Variants in ZNF571 observed in about 807,000 individuals in gnomAD.
ZNF571 encodes zinc finger protein 571.
In ZNF571, 4 loss-of-function variants were observed where a neutral mutation model predicts 7.7. The ratio of observed to expected loss-of-function variants is 0.52; its 90% CI spans 0.25 to 1.18. ZNF571 has a LOEUF of 1.18. Among genes scored for constraint, ZNF571 ranks in the 50% most tolerant of loss-of-function variants. The pLI, the probability that ZNF571 is intolerant of heterozygous loss-of-function variation, is 0.14. For missense variants in ZNF571, 704 were observed against 726.9 expected, an observed-to-expected ratio of 0.97 and a Z score of 0.36; for synonymous variants, 251 against 232.4, an observed-to-expected ratio of 1.08 and a Z score of -0.73.
intron 1 of ZNF571, among the ~76,000 whole-genome samples, chr19:37,588,933 C>A (rs2043776950): frequency 1.3e-5 from 2 of 152,058 alleles, no homozygotes; most frequent in Non-Finnish European, 2.9e-5. Context: ...GGAGTGGTGG[C>A]TCATGCCTGT....
chr19:37,575,790 G>C (rs1023838496), intron 3 of ZNF571: 4 of 152,102 alleles, frequency 2.6e-5, no homozygotes, highest in African/African-American at 9.7e-5. Context: ...TCACGGACTT[G>C]ATGCAATAAA....
In ZNF571 at chr19:37,565,056, G is replaced by A. The variant is rs61731966; in HGVS notation, c.1372C>T (p.Arg458Cys). Residue 458 changes from arginine to cysteine, a missense_variant, in exon 4 of 4, where the codon CGT (arginine) becomes TGT (cysteine). Arg to Cys is a radical substitution (Grantham distance 180, BLOSUM62 -3). Transcript: ENST00000451802. Reference protein sequence around the residue: ...ECKECGKAFIRVAYLTQHEKI... With the variant: ...ECKECGKAFICVAYLTQHEKI... ...TCATGTTGAGTAAGATATGCAACACGAATAAAGGCCTTTCCACATTCCTTA... is the reference window on the plus strand; with the variant it reads ...TCATGTTGAGTAAGATATGCAACACAAATAAAGGCCTTTCCACATTCCTTA... 299 of 1,613,438 alleles carry A rather than the reference G, an allele frequency of 1.9e-4. No homozygotes were observed. The highest frequency in any genetic ancestry group is 6.6e-4 in the Middle Eastern group (4 of 6,060).
In ZNF571 at chr19:37,564,933, C is replaced by T; in HGVS notation, c.1495G>A (p.Glu499Lys). The T allele has an allele frequency of 1.2e-6, 2 of 1,613,978 alleles. No homozygotes were observed. The highest frequency in any genetic ancestry group is 1.7e-6 in the Non-Finnish European group (2 of 1,179,932). ...LTYHQRIHTG[E>K]KPYKCKECDK... ...CATTCCTTACATTTGTAGGGCTTTT[C>T]ACCTGTATGAATTCTTTGATGATAT... The change falls in exon 4 of 4, where the codon GAA becomes AAA. Residue 499 changes from glutamate to lysine, a missense_variant. Physicochemically the swap from Glu to Lys is moderately conservative, Grantham distance 56. Coordinates refer to ENST00000451802, the MANE Select transcript of ZNF571 (RefSeq NM_016536.5).
intron 3 of ZNF571, among the ~76,000 whole-genome samples, chr19:37,574,651 C>T (rs1284803274): frequency 6.6e-6 from 1 of 152,186 alleles, no homozygotes; most frequent in African/African-American, 2.4e-5. Context: ...CATACCTAAA[C>T]TTTTCAACAA....
chr19:37,571,779 T>G (rs1391588320), intron 3 of ZNF571, among the ~76,000 whole-genome samples: 1 of 152,172 alleles, frequency 6.6e-6, no homozygotes, highest in African/African-American at 2.4e-5. Context: ...AACAGAAACA[T>G]GATAAGTATG....
At chr19:37,577,082 T>G (rs2043267402) in intron 3 of ZNF571, among the ~76,000 whole-genome samples, 1 of 152,128 alleles carries the variant, frequency 6.6e-6, no homozygotes, top group South Asian at 2.1e-4. Flanking sequence ...TATTTTCTAA[T>G]TAAAGAACAT....
At chr19:37,566,617 A>G in intron 3 of ZNF571, 1 of 207,946 alleles carries the variant, frequency 4.8e-6, no homozygotes, top group Non-Finnish European at 9.6e-6. Flanking sequence ...CATACAATCT[A>G]TCAACAAATC....
intron 3 of ZNF571, among the ~76,000 whole-genome samples, chr19:37,568,646 A>G (rs1422894597): frequency 6.6e-6 from 1 of 152,206 alleles, no homozygotes; most frequent in Non-Finnish European, 1.5e-5. Flanking sequence ...GAATATAGAA[A>G]AAGTTAAGAT....
At chr19:37,578,367 A>G (rs1360220749) in intron 3 of ZNF571, among the ~76,000 whole-genome samples, 1 of 152,140 alleles carries the variant, frequency 6.6e-6, no homozygotes, top group African/African-American at 2.4e-5. Flanking sequence ...TGAGAGAGTG[A>G]GAGTCCCTGG....
chr19:37,574,894 C>A (rs1357991036), intron 3 of ZNF571, among the ~76,000 whole-genome samples: 3 of 152,184 alleles, frequency 2.0e-5, no homozygotes, highest in Non-Finnish European at 4.4e-5. Context: ...CATGAGTCGG[C>A]CTTCATAACT....
chr19:37,591,356 C>G (rs1365179665), intron 1 of ZNF571, among the ~76,000 whole-genome samples: 1 of 152,184 alleles, frequency 6.6e-6, no homozygotes, highest in Non-Finnish European at 1.5e-5. Flanking sequence ...CTGGAAAGGA[C>G]TACCACTGGC....
intron 1 of ZNF571, among the ~76,000 whole-genome samples, chr19:37,589,864 CAAAAAAAAAAAA>C (rs60136941): frequency 3.4e-5 from 1 of 29,590 alleles, no homozygotes; most frequent in Non-Finnish European, 5.5e-5. Flanking sequence ...GACTCCATCT[CAAAAAAAAAAAA>C]AAAAAAAAAA....
chr19:37,571,189 A>T (rs775013895), intron 3 of ZNF571, among the ~76,000 whole-genome samples: 20 of 152,108 alleles, frequency 1.3e-4, no homozygotes, highest in Non-Finnish European at 2.6e-4. Context: ...CATCAAAATG[A>T]TTTTGCCTTA....
chr19:37,588,842 T>C (rs1194009640), intron 1 of ZNF571, among the ~76,000 whole-genome samples: 3 of 152,110 alleles, frequency 2.0e-5, no homozygotes, highest in African/African-American at 7.2e-5. Flanking sequence ...AAAGGTAAAA[T>C]TGGAACCCCA....
chr19:37,582,145 A>G (rs2043492765), intron 3 of ZNF571, among the ~76,000 whole-genome samples: 1 of 152,162 alleles, frequency 6.6e-6, no homozygotes, highest in African/African-American at 2.4e-5. Flanking sequence ...CTGGTGAGTT[A>G]ATTCACTGTC....
At position 37,565,883 on chromosome 19, in the gene ZNF571, T is replaced by C. The variant is rs775235518; in HGVS notation, c.545A>G (p.Tyr182Cys). The change falls in exon 4 of 4, where the codon TAT (tyrosine) becomes TGT (cysteine). Residue 182 changes from tyrosine to cysteine, a missense_variant. Coordinates refer to ENST00000451802, the MANE Select transcript of ZNF571 (RefSeq NM_016536.5). ...HRNTFSKKPS[Y>C]IQHQRIQTGE... Reference sequence around the variant, plus strand: ...AGTCTGAATTCTCTGATGTTGAATATAGCTTGGCTTTTTGCTAAAGGTATT... The same window carrying C: ...AGTCTGAATTCTCTGATGTTGAATACAGCTTGGCTTTTTGCTAAAGGTATT... The C allele has an allele frequency of 5.0e-6, 8 of 1,613,810 alleles. No homozygotes were observed. In the Admixed American group the frequency reaches 1.0e-4, roughly 20 times the overall value.
intron 2 of ZNF571, 86 bp downstream of exon 2, chr19:37,586,582 A>G (rs1046864090): frequency 1.9e-6 from 3 of 1,540,164 alleles, no homozygotes; most frequent in East Asian, 2.3e-5. Flanking sequence ...GGAACCAAAC[A>G]AGGCAGGAAA....
intron 3 of ZNF571, among the ~76,000 whole-genome samples, chr19:37,577,161 G>A (rs1157638434): frequency 6.6e-6 from 1 of 151,990 alleles, no homozygotes; most frequent in Non-Finnish European, 1.5e-5. Flanking sequence ...AGAACAGAGA[G>A]CTTAATTGAA....
At position 37,564,890 on chromosome 19, in the gene ZNF571, TA is replaced by T. The variant is rs1026324691; in HGVS notation, c.1537del (p.Tyr513MetfsTer37). ...CTGATGTTCACTAAGTTGTGAGCCATAAATAAAGGCCTTGTCACATTCCTTA... is the reference window on the plus strand; with the variant it reads ...CTGATGTTCACTAAGTTGTGAGCCATAATAAAGGCCTTGTCACATTCCTTA... ...KCKECDKAFIYGSQLSEHQRI... is the reference protein window; with the variant it reads ...KCKECDKAFIXGSQLSEHQRI... On this transcript the variant is annotated frameshift_variant, in exon 4 of 4. Transcript: ENST00000451802. LOFTEE classifies it low-confidence loss of function (END_TRUNC). The T allele has an allele frequency of 1.9e-6, 3 of 1,613,878 alleles. No homozygotes were observed. Among genetic ancestry groups the T allele is most frequent in the Non-Finnish European group, 2.5e-6 (3 of 1,179,948 alleles).
Sources: allele counts gnomAD v4.1 joint callset (sites outside exome capture counted in the v4.1 genomes callset), GRCh38; gene constraint gnomAD v4.1.1; transcripts MANE v1.5; gene names NCBI Gene and HGNC (gene_info 2026-07-23, HGNC 2026-07-21).